Variants in ANKS1B observed in about 807,000 individuals in gnomAD.
The protein encoded by ANKS1B is ankyrin repeat and sterile alpha motif domain containing 1B, also known as ankyrin repeat and sterile alpha motif domain-containing protein 1B.
ANKS1B carries 36 observed loss-of-function variants against 148.3 expected under a neutral mutation model. That is an observed-to-expected ratio of 0.24 (90% confidence interval 0.19 to 0.32). The LOEUF (loss-of-function observed/expected upper bound fraction) is 0.32, where lower values mean the gene tolerates loss of function less well. Ranked by LOEUF, ANKS1B falls within the 10% of genes least tolerant of loss-of-function variation. ANKS1B has a pLI of 1.00. For synonymous variants in ANKS1B, 542 were observed against 560.8 expected, an observed-to-expected ratio of 0.97 and a Z score of 0.47; for missense variants, 1,157 against 1,542.6, an observed-to-expected ratio of 0.75 and a Z score of 4.19.
intron 17 of ANKS1B, among the ~76,000 whole-genome samples, chr12:98,959,147 C>T (rs2099867127): frequency 6.6e-6 from 1 of 152,124 alleles, no homozygotes; most frequent in Admixed American, 6.6e-5. Flanking sequence ...TTCAGGGTTG[C>T]CAGTTTCTAT....
intron 1 of ANKS1B, among the ~76,000 whole-genome samples, chr12:99,888,143 T>C (rs937427984): frequency 6.6e-6 from 1 of 152,176 alleles, no homozygotes. Context: ...TCCACAAATA[T>C]TAATGACTGT....
intron 8 of ANKS1B, among the ~76,000 whole-genome samples, chr12:99,760,278 A>C (rs554786979): frequency 4.0e-4 from 61 of 152,016 alleles, no homozygotes; most frequent in African/African-American, 1.4e-3. Flanking sequence ...GATTGATGAC[A>C]TGCTCAGCCA....
At position 99,812,341 on chromosome 12, in the gene ANKS1B, T is replaced by C. The variant is rs768780408; in HGVS notation, c.216-30A>G. ...AAAGGAAAAAACAACAACAACAAAA[T>C]AGGCTGAGCAAGACAAACTGTATTA... On this transcript the variant is annotated intron_variant, in intron 2 of 26. Transcript: ENST00000683438. 6 of 1,601,008 alleles carry C rather than the reference T, an allele frequency of 3.7e-6. No homozygotes were observed. In the African/African-American group the frequency reaches 5.4e-5, roughly 14 times the overall value.
At chr12:99,085,278 C>T (rs942863292) in intron 15 of ANKS1B, among the ~76,000 whole-genome samples, 1 of 151,868 alleles carries the variant, frequency 6.6e-6, no homozygotes, top group Admixed American at 6.6e-5. Context: ...ACTGGAGATT[C>T]ATTCGTGTGA....
At chr12:99,029,812 T>C (rs1015388676) in intron 17 of ANKS1B, among the ~76,000 whole-genome samples, 31 of 152,228 alleles carry the variant, frequency 2.0e-4, no homozygotes, top group African/African-American at 7.5e-4. Context: ...AGACCTGGGC[T>C]TGAGCCCTGG....
intron 14 of ANKS1B, among the ~76,000 whole-genome samples, chr12:99,177,831 A>G (rs2078593141): frequency 1.3e-5 from 2 of 152,182 alleles, no homozygotes; most frequent in Admixed American, 1.3e-4. Flanking sequence ...ACTGCTTTGT[A>G]ATCAGCAGAT....
chr12:99,763,190 C>T (rs954278132), intron 8 of ANKS1B, among the ~76,000 whole-genome samples: 5 of 152,026 alleles, frequency 3.3e-5, no homozygotes, highest in African/African-American at 7.2e-5. Context: ...GACACATCCA[C>T]GTATGCTCAT....
intron 8 of ANKS1B, among the ~76,000 whole-genome samples, chr12:99,678,883 C>T (rs1054653643): frequency 2.0e-5 from 3 of 151,828 alleles, no homozygotes; most frequent in East Asian, 1.9e-4. Flanking sequence ...CTTAGATGAT[C>T]AACAAGAGTA....
At chr12:99,009,067 T>C (rs560550896) in intron 17 of ANKS1B, among the ~76,000 whole-genome samples, 2 of 152,266 alleles carry the variant, frequency 1.3e-5, no homozygotes, top group Admixed American at 6.5e-5. Context: ...TGAGAATAGG[T>C]GAAGGGCATA....
intron 13 of ANKS1B, among the ~76,000 whole-genome samples, chr12:99,246,029 A>G (rs1310788975): frequency 2.0e-5 from 3 of 152,094 alleles, no homozygotes; most frequent in Non-Finnish European, 4.4e-5. Context: ...ATAGCTAGTT[A>G]TTACTTCTGC....
chr12:99,667,787 C>A (rs1342193558), intron 8 of ANKS1B, among the ~76,000 whole-genome samples: 1 of 152,170 alleles, frequency 6.6e-6, no homozygotes, highest in Non-Finnish European at 1.5e-5. Context: ...TGCTTTTCTA[C>A]AATGACTGAT....
intron 9 of ANKS1B, among the ~76,000 whole-genome samples, chr12:99,637,597 A>C (rs984462978): frequency 6.6e-6 from 1 of 152,060 alleles, no homozygotes; most frequent in Non-Finnish European, 1.5e-5. Context: ...AGGCAGAAGA[A>C]CGTGAAAAGA....
intron 12 of ANKS1B, among the ~76,000 whole-genome samples, chr12:99,286,549 T>C (rs2079145164): frequency 6.6e-6 from 1 of 152,092 alleles, no homozygotes. Context: ...GGACTTTGCC[T>C]TGTAGTTTGG....
chr12:99,179,844 T>C (rs1399090901), intron 14 of ANKS1B, among the ~76,000 whole-genome samples: 2 of 152,228 alleles, frequency 1.3e-5, no homozygotes, highest in East Asian at 1.9e-4. Context: ...ACTATTATAA[T>C]ATCACTGTGA....
chr12:98,943,916 T>C (rs2099840963), intron 17 of ANKS1B, among the ~76,000 whole-genome samples: 1 of 152,162 alleles, frequency 6.6e-6, no homozygotes. Flanking sequence ...TGTTGGGTTA[T>C]TGGGGTGGAT....
At chr12:99,885,050 T>C (rs2092748257) in intron 1 of ANKS1B, among the ~76,000 whole-genome samples, 2 of 152,024 alleles carry the variant, frequency 1.3e-5, no homozygotes, top group South Asian at 4.1e-4. Context: ...ATGAAAAATA[T>C]AGTATTTATA....
chr12:98,799,027 A>G, intron 21 of ANKS1B, 22 bp from the exon 22 acceptor site: 3 of 1,551,180 alleles, frequency 1.9e-6, no homozygotes, highest in South Asian at 1.2e-5. Flanking sequence ...AAAAAATTCA[A>G]TGATTTATGA....
chr12:99,833,027 GTTACTA>G (rs1477642192), intron 1 of ANKS1B, among the ~76,000 whole-genome samples: 2 of 152,218 alleles, frequency 1.3e-5, no homozygotes, highest in East Asian at 1.9e-4. Context: ...CTATAAGAAA[GTTACTA>G]TTACTATTCC....
intron 9 of ANKS1B, among the ~76,000 whole-genome samples, chr12:99,593,365 T>C (rs2097723629): frequency 6.6e-6 from 1 of 152,156 alleles, no homozygotes; most frequent in Non-Finnish European, 1.5e-5. Context: ...GTCAGAATCT[T>C]GTGATTCTGA....
Sources: gnomAD v4.1 joint callset for allele counts (sites outside exome capture counted in the v4.1 genomes callset) on GRCh38, gnomAD v4.1.1 for gene constraint, MANE v1.5 for transcripts, NCBI Gene and HGNC (gene_info 2026-07-23, HGNC 2026-07-21) for gene names.